PCDH15: variants seen among roughly 807,000 people sequenced by gnomAD.
PCDH15 encodes the protein protocadherin related 15.
A neutral mutation model predicts 178.5 loss-of-function variants in PCDH15; 129 were observed. The ratio of observed to expected loss-of-function variants is 0.72; its 90% CI spans 0.63 to 0.84. The LOEUF (loss-of-function observed/expected upper bound fraction) is 0.84. Ranked by LOEUF, PCDH15 falls within the 40% of genes least tolerant of loss-of-function variation. The pLI is 0.00. For synonymous variants in PCDH15, 800 were observed against 732.0 expected (o/e 1.09, Z -1.50); for missense variants, 2,230 against 2,099.9 (o/e 1.06, Z -1.21).
chr10:53,943,399 C>A (rs1161073790), intron 23 of PCDH15, among the ~76,000 whole-genome samples: 1 of 151,914 alleles, frequency 6.6e-6, no homozygotes, highest in Non-Finnish European at 1.5e-5. Flanking sequence ...TTGCTTGAAC[C>A]TGGGAGGCGG....
chr10:54,631,952 G>A (rs1231919598), intron 2 of PCDH15, among the ~76,000 whole-genome samples: 2 of 152,182 alleles, frequency 1.3e-5, no homozygotes, highest in Non-Finnish European at 2.9e-5. Flanking sequence ...CCCTTGACAC[G>A]TGGGGATTAA....
intron 9 of PCDH15, among the ~76,000 whole-genome samples, chr10:54,235,822 A>T (rs909517672): frequency 6.6e-6 from 1 of 152,172 alleles, no homozygotes; most frequent in African/African-American, 2.4e-5. Flanking sequence ...CTACACCAAG[A>T]TCTCTATAGA....
chr10:54,490,306 T>C (rs1209559488), intron 3 of PCDH15, among the ~76,000 whole-genome samples: 6 of 151,696 alleles, frequency 4.0e-5, no homozygotes, highest in South Asian at 2.1e-4. Flanking sequence ...AAAAATTAGA[T>C]GGGCGTGGTG....
chr10:55,264,426 C>G (rs192016912), intron 1 of PCDH15, among the ~76,000 whole-genome samples: 2 of 152,250 alleles, frequency 1.3e-5, no homozygotes, highest in African/African-American at 4.8e-5. Flanking sequence ...TAGGTGAGGC[C>G]GGTCAATTCC....
intron 1 of PCDH15, among the ~76,000 whole-genome samples, chr10:55,300,983 G>C (rs553548396): frequency 1.3e-5 from 2 of 152,110 alleles, no homozygotes; most frequent in Non-Finnish European, 2.9e-5. Flanking sequence ...GGTATCATAA[G>C]TTCTTAAAAC....
intron 2 of PCDH15, among the ~76,000 whole-genome samples, chr10:54,648,391 G>A (rs2094179819): frequency 6.6e-6 from 1 of 152,036 alleles, no homozygotes; most frequent in Non-Finnish European, 1.5e-5. Flanking sequence ...TTTTCTTGTT[G>A]CTTTGGATTG....
chr10:54,872,571 C>CT (rs941455982), intron 3 of PCDH15, among the ~76,000 whole-genome samples: 1 of 152,082 alleles, frequency 6.6e-6, no homozygotes, highest in African/African-American at 2.4e-5. Context: ...GATAGTGATG[C>CT]TTTGACTCAT....
chr10:53,967,697 A>AT, intron 21 of PCDH15, among the ~76,000 whole-genome samples: 1 of 152,314 alleles, frequency 6.6e-6, no homozygotes, highest in African/African-American at 2.4e-5. Context: ...AAATAATCAT[A>AT]TTTTTTAAAG....
rs572028330 is a variant in PCDH15, at chr10:55,383,515, C to G, written c.-155-216864G>C. 1.8e-4 allele frequency among the ~76,000 whole-genome samples: 27 copies of G among 152,204 alleles called. No individual in the cohort carries two copies. In the South Asian group the frequency reaches 5.4e-3, roughly 30 times the overall value. On this transcript the variant is annotated intron_variant, in intron 2 of 5. Coordinates refer to the PCDH15 transcript ENST00000613346. Reference sequence around the variant, plus strand: ...GCTGGGGAACCATCCTCTTTTACCCCCTATTTCCCTGCCTCCTGTCTGTAT... The same window carrying G: ...GCTGGGGAACCATCCTCTTTTACCCGCTATTTCCCTGCCTCCTGTCTGTAT...
chr10:55,290,160 T>C (rs1842971930), intron 1 of PCDH15, among the ~76,000 whole-genome samples: 1 of 151,954 alleles, frequency 6.6e-6, no homozygotes. Context: ...ATAATATACA[T>C]AAATTTTATA....
intron 1 of PCDH15, among the ~76,000 whole-genome samples, chr10:55,224,950 C>T (rs1044216013): frequency 9.9e-5 from 15 of 152,062 alleles, no homozygotes; most frequent in Non-Finnish European, 8.8e-5. Flanking sequence ...CAGTGATAAG[C>T]TCAGTACAGC....
intron 1 of PCDH15, among the ~76,000 whole-genome samples, chr10:54,749,452 A>G (rs1945904025): frequency 6.6e-6 from 1 of 152,146 alleles, no homozygotes. Flanking sequence ...AGAAGCCACA[A>G]GAAGATAATT....
chr10:55,387,895 C>T (rs2246674), intron 2 of PCDH15, among the ~76,000 whole-genome samples: 40,150 of 151,656 alleles, frequency 0.26, 6,421 homozygotes, highest in African/African-American at 0.45. Context: ...GCTTAGTTTC[C>T]AATGTCTATG....
intron 3 of PCDH15, among the ~76,000 whole-genome samples, chr10:54,875,417 T>C (rs530090548): frequency 4.2e-4 from 64 of 152,226 alleles, no homozygotes; most frequent in African/African-American, 1.5e-3. Context: ...CCCCCAAGCA[T>C]TCAAGTATCT....
At chr10:54,756,425 T>C (rs1591474252) in intron 1 of PCDH15, among the ~76,000 whole-genome samples, 1 of 152,092 alleles carries the variant, frequency 6.6e-6, no homozygotes, top group Non-Finnish European at 1.5e-5. Flanking sequence ...TTGACTACAG[T>C]GCAGGACTCC....
rs1397650356 is a variant in PCDH15 at position 54,057,388 on chromosome 10, A to G, written c.2220+9369T>C. ...CTGAAATCTAGGCAGAGGTTCCCAAACCTTAATTATTGACTTCTGTGCACC... is the reference window on the plus strand; with the variant it reads ...CTGAAATCTAGGCAGAGGTTCCCAAGCCTTAATTATTGACTTCTGTGCACC... On this transcript the variant is annotated intron_variant, in intron 18 of 37. Coordinates refer to ENST00000644397, the MANE Select transcript of PCDH15 (RefSeq NM_001384140.1). 3.3e-5 allele frequency among the ~76,000 whole-genome samples: 5 copies of G among 152,160 alleles called. No individual in the cohort carries two copies. The South Asian group carries it at 8.3e-4, about 25-fold the overall frequency.
chr10:54,701,273 C>T (rs564931841), intron 1 of PCDH15, among the ~76,000 whole-genome samples: 2 of 152,102 alleles, frequency 1.3e-5, no homozygotes, highest in South Asian at 4.1e-4. Context: ...AATTTGTTAG[C>T]ACGTGACCTG....
At chr10:55,380,825 G>C (rs1044820731) in intron 2 of PCDH15, among the ~76,000 whole-genome samples, 1 of 152,074 alleles carries the variant, frequency 6.6e-6, no homozygotes, top group African/African-American at 2.4e-5. Flanking sequence ...GCTAGATAAC[G>C]TGTTATCTTG....
intron 2 of PCDH15, among the ~76,000 whole-genome samples, chr10:55,421,595 ATCT>A (rs1214716848): frequency 2.7e-5 from 4 of 150,940 alleles, no homozygotes; most frequent in South Asian, 4.2e-4. Context: ...GACTAAAATG[ATCT>A]TCTGTGACTC....
Sources: allele counts gnomAD v4.1 joint callset (sites outside exome capture counted in the v4.1 genomes callset), GRCh38; gene constraint gnomAD v4.1.1; transcripts MANE v1.5; gene names NCBI Gene and HGNC (gene_info 2026-07-23, HGNC 2026-07-21).